The following CNTN4 variants were observed in gnomAD, a reference collection of about 807,000 sequenced individuals.
CNTN4 encodes the protein contactin-4.
Under a neutral mutation model 122.5 loss-of-function variants are expected in CNTN4, and 77 were observed. The observed-to-expected ratio is 0.63, with a 90% CI of 0.52 to 0.76. The LOEUF is 0.76. CNTN4 is among the 30% of genes least tolerant of loss of function. The pLI, the probability that CNTN4 is intolerant of heterozygous loss-of-function variation, is 0.00. For synonymous variants in CNTN4, 512 were observed against 447.0 expected (o/e 1.15, Z -1.83); for missense variants, 1,256 against 1,259.1 (o/e 1.00, Z 0.04).
At position 3,026,282 on chromosome 3, in the gene CNTN4, G is replaced by GTATT; in HGVS notation, c.1662+6_1662+9dup. On this transcript the variant is annotated splice_donor_region_variant and intron_variant, in intron 15 of 24. Coordinates refer to ENST00000418658, the MANE Select transcript of CNTN4 (RefSeq NM_175607.3). ...CACTTTGAAAGAGTTGGAGGGGTAA[G>GTATT]TATTAATAGCAAAAACTGACTCAAA... 2 of 1,612,448 alleles carry GTATT rather than the reference G, an allele frequency of 1.2e-6. No homozygotes were observed. The highest frequency in any genetic ancestry group is 1.7e-6 in the Non-Finnish European group (2 of 1,178,694).
chr3:2,573,319 C>T (rs191090188), intron 4 of CNTN4, among the ~76,000 whole-genome samples: 22 of 152,230 alleles, frequency 1.4e-4, no homozygotes, highest in Middle Eastern at 3.4e-3. Flanking sequence ...ACGTCTTCCC[C>T]GCTGCATGAT....
At chr3:2,713,414 A>G (rs1161360888) in intron 4 of CNTN4, among the ~76,000 whole-genome samples, 1 of 152,224 alleles carries the variant, frequency 6.6e-6, no homozygotes, top group Non-Finnish European at 1.5e-5. Flanking sequence ...AAGAGTGGAA[A>G]GTCGTATAGA....
rs148117636 is a variant in CNTN4, at chr3:2,971,052, G to T, written c.1359-17293G>T. On this transcript the variant is annotated intron_variant, in intron 13 of 24. Transcript: ENST00000418658. Reference sequence around the variant, plus strand: ...TCTGCCCATCTCGGCCTCCCAAAGTGCTGGGATTACAGGCCTGAGCCAGCA... The same window carrying T: ...TCTGCCCATCTCGGCCTCCCAAAGTTCTGGGATTACAGGCCTGAGCCAGCA... Among the ~76,000 whole-genome samples, 589 of 152,310 alleles carry T rather than the reference G, an allele frequency of 3.9e-3. 3 individuals are homozygous for T. The highest frequency in any genetic ancestry group is 3.8e-3 in the Non-Finnish European group (258 of 68,026).
intron 3 of CNTN4, among the ~76,000 whole-genome samples, chr3:2,443,719 C>T (rs1395315398): frequency 1.3e-5 from 2 of 152,152 alleles, no homozygotes; most frequent in Non-Finnish European, 2.9e-5. Flanking sequence ...TAGACTTGTA[C>T]TCTGCCTACA....
At chr3:2,631,890 A>AAAAAAAC (rs2082452701) in intron 4 of CNTN4, among the ~76,000 whole-genome samples, 1 of 146,916 alleles carries the variant, frequency 6.8e-6, no homozygotes, top group African/African-American at 2.6e-5. Context: ...AAAAAAAAAC[A>AAAAAAAC]ACAACTAAAA....
chr3:2,752,660 G>C (rs904057762), intron 6 of CNTN4, among the ~76,000 whole-genome samples: 1 of 152,196 alleles, frequency 6.6e-6, no homozygotes, highest in South Asian at 2.1e-4. Flanking sequence ...TGAGTAAATT[G>C]TTCTTAACTG....
At chr3:2,706,791 G>A (rs906493938) in intron 4 of CNTN4, among the ~76,000 whole-genome samples, 1 of 152,106 alleles carries the variant, frequency 6.6e-6, no homozygotes, top group African/African-American at 2.4e-5. Flanking sequence ...GTAGATTCCA[G>A]AGCCAACCTA....
At chr3:2,932,256 T>C (rs2094527577) in intron 13 of CNTN4, among the ~76,000 whole-genome samples, 1 of 152,088 alleles carries the variant, frequency 6.6e-6, no homozygotes, top group South Asian at 2.1e-4. Context: ...TGGGCGCCTG[T>C]AGTCCCAGCT....
At chr3:2,103,720 TTATC>T (rs67160312) in intron 2 of CNTN4, among the ~76,000 whole-genome samples, 60,872 of 151,534 alleles carry the variant, frequency 0.4, 12,550 homozygotes, top group East Asian at 0.67. Context: ...TATTTTTTAT[TTATC>T]TATTTATTTA....
intron 3 of CNTN4, among the ~76,000 whole-genome samples, chr3:2,364,398 T>A (rs1217177935): frequency 6.6e-6 from 1 of 152,154 alleles, no homozygotes; most frequent in Non-Finnish European, 1.5e-5. Flanking sequence ...GTTGTTAATC[T>A]TTCTATTTCC....
intron 3 of CNTN4, among the ~76,000 whole-genome samples, chr3:2,445,315 T>G (rs986118191): frequency 7.2e-5 from 11 of 152,178 alleles, no homozygotes; most frequent in African/African-American, 2.4e-4. Flanking sequence ...CTGCATATTC[T>G]TGGGATTCCT....
chr3:2,624,302 G>A (rs146524312), intron 4 of CNTN4, among the ~76,000 whole-genome samples: 131 of 152,214 alleles, frequency 8.6e-4, no homozygotes, highest in African/African-American at 3.0e-3. Context: ...TCTTATGGTC[G>A]ATATGCTGTT....
chr3:2,121,660 A>T (rs537749280), intron 2 of CNTN4, among the ~76,000 whole-genome samples: 1 of 152,324 alleles, frequency 6.6e-6, no homozygotes, highest in Non-Finnish European at 1.5e-5. Flanking sequence ...TCCATTTCAC[A>T]ATCTGAAGAA....
At chr3:2,851,112 A>G (rs1044459485) in intron 7 of CNTN4, among the ~76,000 whole-genome samples, 3 of 152,238 alleles carry the variant, frequency 2.0e-5, no homozygotes, top group Non-Finnish European at 4.4e-5. Flanking sequence ...TTTTGCCACT[A>G]TTACAGAGGG....
At chr3:2,910,704 A>G (rs1382838857) in intron 12 of CNTN4, among the ~76,000 whole-genome samples, 1 of 152,218 alleles carries the variant, frequency 6.6e-6, no homozygotes, top group Non-Finnish European at 1.5e-5. Context: ...GAATGAATAA[A>G]TAAATGAAGT....
chr3:2,942,357 G>A (rs1369406161), intron 13 of CNTN4, among the ~76,000 whole-genome samples: 1 of 152,152 alleles, frequency 6.6e-6, no homozygotes, highest in African/African-American at 2.4e-5. Flanking sequence ...CACAGGTCTG[G>A]TTGTATCTGT....
chr3:2,405,859 C>T (rs1417674314), intron 3 of CNTN4, among the ~76,000 whole-genome samples: 1 of 151,784 alleles, frequency 6.6e-6, no homozygotes, highest in Non-Finnish European at 1.5e-5. Context: ...CTCATCTCTA[C>T]CTACAAGAAA....
chr3:2,552,130 G>A (rs2078533820), intron 3 of CNTN4, among the ~76,000 whole-genome samples: 1 of 152,150 alleles, frequency 6.6e-6, no homozygotes, highest in African/African-American at 2.4e-5. Context: ...TGAGGCCAGA[G>A]TAAAGGAGCA....
At chr3:2,908,898 T>A (rs528061159) in intron 12 of CNTN4, among the ~76,000 whole-genome samples, 1 of 152,114 alleles carries the variant, frequency 6.6e-6, no homozygotes, top group South Asian at 2.1e-4. Flanking sequence ...GGGGTTCTCC[T>A]GGCCTGTGTG....
Sources: gnomAD v4.1 joint callset for allele counts (sites outside exome capture counted in the v4.1 genomes callset) on GRCh38, gnomAD v4.1.1 for gene constraint, MANE v1.5 for transcripts, NCBI Gene and HGNC (gene_info 2026-07-23, HGNC 2026-07-21) for gene names.